Variants in DENND2B observed in about 807,000 individuals in gnomAD.
DENND2B encodes DENN domain containing 2B.
A neutral mutation model predicts 116.0 loss-of-function variants in DENND2B; 32 were observed. The observed-to-expected ratio is 0.28, with a 90% CI of 0.21 to 0.37. DENND2B has a LOEUF of 0.37. Among genes scored for constraint, DENND2B ranks in the 10% least tolerant of loss-of-function variants. The probability of loss-of-function intolerance (pLI) is 1.00; values close to 1 mark genes in which losing one functional copy is unlikely to be tolerated. For missense variants in DENND2B, 1,276 were observed against 1,477.7 expected, an observed-to-expected ratio of 0.86 and a Z score of 2.24; for synonymous variants, 588 against 583.9, an observed-to-expected ratio of 1.01 and a Z score of -0.10.
chr11:8,861,083 C>A (rs2063375327), intron 2 of DENND2B, among the ~76,000 whole-genome samples: 1 of 151,980 alleles, frequency 6.6e-6, no homozygotes, highest in Non-Finnish European at 1.5e-5. Context: ...CATAAAAATT[C>A]TAAAAGAAAA....
intron 2 of DENND2B, among the ~76,000 whole-genome samples, chr11:8,736,700 C>T (rs1050535097): frequency 2.0e-5 from 3 of 152,212 alleles, no homozygotes; most frequent in African/African-American, 4.8e-5. Flanking sequence ...AAGATAACCG[C>T]ATGCCTACTG....
intron 3 of DENND2B, among the ~76,000 whole-genome samples, chr11:8,728,433 C>G (rs2047509353): frequency 6.6e-6 from 1 of 152,182 alleles, no homozygotes; most frequent in Non-Finnish European, 1.5e-5. Context: ...ACAGACTGCA[C>G]TTCTGGAACT....
intron 1 of DENND2B, among the ~76,000 whole-genome samples, chr11:8,781,481 C>T (rs1044548165): frequency 2.0e-5 from 3 of 152,176 alleles, no homozygotes; most frequent in Admixed American, 6.5e-5. Flanking sequence ...GGCAATACCA[C>T]TTTTTGTCTA....
At chr11:8,757,357 T>C (rs1229555588) in intron 1 of DENND2B, among the ~76,000 whole-genome samples, 1 of 152,200 alleles carries the variant, frequency 6.6e-6, no homozygotes, top group Non-Finnish European at 1.5e-5. Flanking sequence ...TCAGACTCCC[T>C]AGTACTATCA....
chr11:8,714,553 CG>C (rs1361582407), intron 7 of DENND2B, 56 bp downstream of exon 7: 1 of 1,452,308 alleles, frequency 6.9e-7, no homozygotes, highest in African/African-American at 1.4e-5. Flanking sequence ...ATGCCTCTCC[CG>C]TTCCTAATGC....
chr11:8,738,693 G>C (rs1320274361), intron 2 of DENND2B, among the ~76,000 whole-genome samples: 1 of 152,068 alleles, frequency 6.6e-6, no homozygotes, highest in Non-Finnish European at 1.5e-5. Context: ...CTCATCTTCT[G>C]ACATTTTCCC....
chr11:8,819,461 G>T (rs1222347101), intron 4 of DENND2B, among the ~76,000 whole-genome samples: 1 of 152,100 alleles, frequency 6.6e-6, no homozygotes, highest in Non-Finnish European at 1.5e-5. Context: ...CTCTCCCAGA[G>T]TATTTATTAA....
At chr11:8,759,995 G>GC (rs1565875259) in intron 1 of DENND2B, among the ~76,000 whole-genome samples, 1 of 152,318 alleles carries the variant, frequency 6.6e-6, no homozygotes, top group Non-Finnish European at 1.5e-5. Context: ...CCTCCCATCA[G>GC]CCCCTGTTCT....
chr11:8,788,589 C>G (rs999357164), intron 1 of DENND2B, among the ~76,000 whole-genome samples: 1 of 152,166 alleles, frequency 6.6e-6, no homozygotes, highest in African/African-American at 2.4e-5. Flanking sequence ...ATCTCCTGCC[C>G]TCACACACAC....
intron 4 of DENND2B, chr11:8,830,667 AC>A (rs1417481417): frequency 1.3e-5 from 2 of 151,806 alleles, no homozygotes; most frequent in Non-Finnish European, 2.9e-5. Context: ...TGGAATTAAT[AC>A]CCTCCCAACT....
At chr11:8,877,875 A>C (rs1245887542) in intron 2 of DENND2B, among the ~76,000 whole-genome samples, 1 of 152,246 alleles carries the variant, frequency 6.6e-6, no homozygotes, top group Non-Finnish European at 1.5e-5. Flanking sequence ...GGGGGGAATA[A>C]AAGTAATAAG....
chr11:8,790,205 C>T (rs746173900), intron 1 of DENND2B, among the ~76,000 whole-genome samples: 4 of 152,184 alleles, frequency 2.6e-5, no homozygotes, highest in Non-Finnish European at 4.4e-5. Context: ...AAAATCTGTA[C>T]CAGCACCATT....
chr11:8,718,364 A>AG (rs1339575324), intron 4 of DENND2B: 6 of 1,534,936 alleles, frequency 3.9e-6, no homozygotes, highest in Non-Finnish European at 5.2e-6. Context: ...CCTACTTTGG[A>AG]GGGTGGGCAT....
chr11:8,894,314 A>C (rs370278312), intron 1 of DENND2B, among the ~76,000 whole-genome samples: 1 of 152,210 alleles, frequency 6.6e-6, no homozygotes, highest in African/African-American at 2.4e-5. Context: ...AACTTAGGCA[A>C]TACCATTCAG....
In DENND2B at chr11:8,712,512, G is replaced by C. The variant is rs752290150; in HGVS notation, c.2172+39C>G. 2 of 1,534,314 alleles carry C rather than the reference G, an allele frequency of 1.3e-6. No individual in the cohort carries two copies. Among genetic ancestry groups the C allele is most frequent in the Non-Finnish European group, 1.8e-6 (2 of 1,134,896 alleles). ...GGCCTGGCGGATAGAGGATGGAAGAGGGGGAATATGGGCAAGGTGGGGAGA... is the reference window on the plus strand; with the variant it reads ...GGCCTGGCGGATAGAGGATGGAAGACGGGGAATATGGGCAAGGTGGGGAGA... On this transcript the variant is annotated intron_variant, in intron 9 of 19. Transcript: ENST00000313726. The surrounding 1 kb of genome is among the most constrained non-coding windows in gnomAD (Gnocchi z 4.4).
chr11:8,808,706 C>T (rs892328438), intron 1 of DENND2B: 3 of 152,226 alleles, frequency 2.0e-5, no homozygotes, highest in Non-Finnish European at 2.9e-5. Flanking sequence ...TAGGACGTGA[C>T]TTGTTTCAAA....
chr11:8,770,315 C>A (rs1469978363), intron 1 of DENND2B, among the ~76,000 whole-genome samples: 3 of 152,194 alleles, frequency 2.0e-5, no homozygotes, highest in African/African-American at 7.2e-5. Flanking sequence ...GGCTGGGGCT[C>A]AGGAAGGCTA....
intron 3 of DENND2B, among the ~76,000 whole-genome samples, chr11:8,846,477 C>T (rs1594217548): frequency 6.6e-6 from 1 of 152,302 alleles, no homozygotes; most frequent in East Asian, 1.9e-4. Flanking sequence ...AGAGAAGGCT[C>T]ATGGTCATCA....
At chr11:8,762,420 CT>C (rs2054834120) in intron 1 of DENND2B, among the ~76,000 whole-genome samples, 1 of 152,222 alleles carries the variant, frequency 6.6e-6, no homozygotes, top group Non-Finnish European at 1.5e-5. Flanking sequence ...CTCTAGTTAC[CT>C]CTGGCCTTCC....
Sources: gnomAD v4.1 joint callset for allele counts (sites outside exome capture counted in the v4.1 genomes callset) on GRCh38, gnomAD v4.1.1 for gene constraint, Gnocchi (gnomAD v3.1) non-coding constraint, MANE v1.5 for transcripts, NCBI Gene and HGNC (gene_info 2026-07-23, HGNC 2026-07-21) for gene names.